CYFIP2: variants seen among roughly 807,000 people sequenced by gnomAD.
CYFIP2 encodes the protein cytoplasmic FMR1 interacting protein 2, also known as cytoplasmic FMR1-interacting protein 2.
A neutral mutation model predicts 158.7 loss-of-function variants in CYFIP2; 29 were observed. That is an observed-to-expected ratio of 0.18 (90% CI 0.14 to 0.25). The LOEUF is 0.25. Among genes scored for constraint, CYFIP2 ranks in the 10% least tolerant of loss-of-function variants. The probability of loss-of-function intolerance (pLI) is 1.00; values close to 1 mark genes in which losing one functional copy is unlikely to be tolerated. For missense variants in CYFIP2, 852 were observed against 1,639.5 expected, an observed-to-expected ratio of 0.52 and a Z score of 8.29; for synonymous variants, 585 against 617.6, an observed-to-expected ratio of 0.95 and a Z score of 0.78.
At position 157,266,646 on chromosome 5, in the gene CYFIP2, A is replaced by T. The variant is rs777874534; in HGVS notation, c.-24+451A>T. ...GACCACCGTCACCTCCCCCAGGGCC[A>T]GCGAGAGCCGCCTGGGCCCGCCTGG... On this transcript the variant is annotated intron_variant, in intron 1 of 30. Coordinates refer to ENST00000620254, the MANE Select transcript of CYFIP2 (RefSeq NM_001037333.3). This position sits in a 1 kb window ranked among gnomAD's most constrained non-coding sequence, Gnocchi z 4.2. The T allele has an allele frequency of 6.6e-6, 1 of 152,398 alleles. No homozygotes were observed. Among genetic ancestry groups the T allele is most frequent in the Non-Finnish European group, 1.5e-5 (1 of 68,274 alleles). The allele number at this position is 152,398 out of a possible 1,614,324, so 9.4% of individuals were successfully genotyped here. A position where few individuals can be genotyped will look rare whatever the true frequency, so the allele number is the denominator to read the frequency against.
chr5:157,343,527 C>T (rs1233679257), intron 23 of CYFIP2: 4 of 1,557,472 alleles, frequency 2.6e-6, no homozygotes, highest in South Asian at 1.2e-5. Flanking sequence ...TTCCCCACCT[C>T]GATGTTCATC....
intron 5 of CYFIP2, among the ~76,000 whole-genome samples, chr5:157,299,173 G>GAGTCTGTTCTCCCCACAGT (rs56388079): frequency 0.79 from 119,855 of 151,880 alleles, 47,589 homozygotes; most frequent in East Asian, 0.99. Context: ...TTGCACCCTA[G>GAGTCTGTTCTCCCCACAGT]AGCCAATGTG....
chr5:157,292,512 C>A (rs1757907366), intron 3 of CYFIP2, among the ~76,000 whole-genome samples: 1 of 152,218 alleles, frequency 6.6e-6, no homozygotes, highest in Non-Finnish European at 1.5e-5. Context: ...AGCCACCGCG[C>A]CTGGCCAGCA....
intron 23 of CYFIP2, among the ~76,000 whole-genome samples, chr5:157,358,028 C>T (rs1763534477): frequency 6.6e-6 from 1 of 152,236 alleles, no homozygotes; most frequent in South Asian, 2.1e-4. Context: ...TGAAATGGGG[C>T]TAATAATGAT....
At chr5:157,302,751 A>C (rs1322185121) in intron 6 of CYFIP2, 43 bp from the exon 7 acceptor site, 1 of 1,515,454 alleles carries the variant, frequency 6.6e-7, no homozygotes, top group Non-Finnish European at 8.9e-7. Context: ...AGGCCGTTGC[A>C]CTTGGACAGT....
chr5:157,285,793 A>G (rs993862251), intron 2 of CYFIP2, among the ~76,000 whole-genome samples: 1 of 152,168 alleles, frequency 6.6e-6, no homozygotes, highest in Non-Finnish European at 1.5e-5. Context: ...AAATATTGCA[A>G]TTTAGAAACC....
At position 157,333,321 on chromosome 5, in the gene CYFIP2, A is replaced by T. The variant is rs1761620601; in HGVS notation, c.2266-6A>T. 1 of 1,613,796 alleles carries T rather than the reference A, an allele frequency of 6.2e-7. No homozygotes were observed. The highest frequency in any genetic ancestry group is 8.5e-7 in the Non-Finnish European group (1 of 1,179,804). ...AAGTAACTTTTCTCTCTCTCTCTTC[A>T]TCCAGCTGTTGGGTAGATCAATTGA... On this transcript the variant is annotated splice_polypyrimidine_tract_variant and splice_region_variant and intron_variant, in intron 20 of 30. Transcript: ENST00000620254.
chr5:157,387,282 GACAA>G (rs371855442), intron 28 of CYFIP2, among the ~76,000 whole-genome samples: 61 of 152,172 alleles, frequency 4.0e-4, no homozygotes, highest in African/African-American at 1.3e-3. Flanking sequence ...ACCAGGAAAG[GACAA>G]ACACTTTTCA....
chr5:157,270,926 A>G (rs1321360563), intron 1 of CYFIP2, among the ~76,000 whole-genome samples: 1 of 152,178 alleles, frequency 6.6e-6, no homozygotes, highest in East Asian at 1.9e-4. Context: ...GCTGGTTGCT[A>G]TGGGTCAAAC....
chr5:157,346,384 G>T (rs1314830223), intron 23 of CYFIP2, among the ~76,000 whole-genome samples: 2 of 152,172 alleles, frequency 1.3e-5, no homozygotes, highest in African/African-American at 2.4e-5. Context: ...ACTAGTTAAG[G>T]ATCTCAAGAT....
intron 23 of CYFIP2, among the ~76,000 whole-genome samples, chr5:157,351,292 G>A (rs1763052147): frequency 6.6e-6 from 1 of 152,158 alleles, no homozygotes. Context: ...CATTTCCTGA[G>A]TTGGTCATAG....
At chr5:157,379,470 TAAAAA>T (rs576583235) in intron 26 of CYFIP2, among the ~76,000 whole-genome samples, 5 of 147,458 alleles carry the variant, frequency 3.4e-5, no homozygotes, top group Non-Finnish European at 7.4e-5. Context: ...TTCCTACTTA[TAAAAA>T]AAAACTTCCA....
chr5:157,269,493 A>G (rs1755897554), intron 1 of CYFIP2: 1 of 152,188 alleles, frequency 6.6e-6, no homozygotes, highest in East Asian at 1.9e-4. Flanking sequence ...CCCTTAAACC[A>G]GCCACTACCT....
intron 2 of CYFIP2, 147 bp from the exon 3 acceptor site, chr5:157,286,872 G>T: frequency 1.7e-6 from 1 of 590,132 alleles, no homozygotes; most frequent in Non-Finnish European, 3.2e-6. Context: ...GGACTTTGTG[G>T]GGAAGGGGCA....
At chr5:157,285,538 G>A in intron 2 of CYFIP2, 60 bp downstream of exon 2, 1 of 1,470,978 alleles carries the variant, frequency 6.8e-7, no homozygotes, top group Non-Finnish European at 9.2e-7. Context: ...CCCTAAGAGA[G>A]TTTGCCCTAA....
chr5:157,389,474 C>T (rs1440794467), intron 29 of CYFIP2, 47 bp downstream of exon 29: 1 of 1,475,698 alleles, frequency 6.8e-7, no homozygotes, highest in Non-Finnish European at 9.1e-7. Context: ...CCTGCCTGTG[C>T]TCCTGCAAGT....
chr5:157,300,617 C>A, intron 5 of CYFIP2, 98 bp from the exon 6 acceptor site: 1 of 1,141,740 alleles, frequency 8.8e-7, no homozygotes, highest in Non-Finnish European at 1.1e-6. Flanking sequence ...ATTTGCCTTT[C>A]TCGAGAGGGC....
chr5:157,283,401 A>G (rs1757140687), intron 1 of CYFIP2, among the ~76,000 whole-genome samples: 3 of 152,180 alleles, frequency 2.0e-5, no homozygotes, highest in Non-Finnish European at 4.4e-5. Flanking sequence ...CTCCTGTAAA[A>G]TGGACCTAGT....
chr5:157,351,709 C>T (rs369519022), intron 23 of CYFIP2, among the ~76,000 whole-genome samples: 226 of 152,332 alleles, frequency 1.5e-3, no homozygotes, highest in African/African-American at 5.0e-3. Flanking sequence ...TGCTGCTCTG[C>T]TTGTACCATC....
Sources: gnomAD v4.1 joint callset for allele counts (sites outside exome capture counted in the v4.1 genomes callset) on GRCh38, gnomAD v4.1.1 for gene constraint, Gnocchi (gnomAD v3.1) non-coding constraint, MANE v1.5 for transcripts, NCBI Gene and HGNC (gene_info 2026-07-23, HGNC 2026-07-21) for gene names.